The following SORBS2 variants were observed in gnomAD, a reference collection of about 807,000 sequenced individuals.
SORBS2 encodes sorbin and SH3 domain containing 2.
A neutral mutation model predicts 97.7 loss-of-function variants in SORBS2; 46 were observed. That is an observed-to-expected ratio of 0.47 (90% confidence interval 0.37 to 0.60). The LOEUF (loss-of-function observed/expected upper bound fraction) is 0.60, where lower values mean the gene tolerates loss of function less well. Ranked by LOEUF, SORBS2 falls within the 20% of genes least tolerant of loss-of-function variation. The probability of loss-of-function intolerance (pLI) is 0.00; values close to 1 mark genes in which losing one functional copy is unlikely to be tolerated. For synonymous variants in SORBS2, 476 were observed against 473.4 expected, an observed-to-expected ratio of 1.01 and a Z score of -0.07; for missense variants, 1,316 against 1,282.3, an observed-to-expected ratio of 1.03 and a Z score of -0.40.
chr4:185,850,412 A>G (rs1330747997), intron 1 of SORBS2, among the ~76,000 whole-genome samples: 9 of 152,176 alleles, frequency 5.9e-5, no homozygotes. Flanking sequence ...GAAAGAGGAC[A>G]GTGTCTTCAT....
chr4:185,945,682 T>G (rs1004158513), intron 1 of SORBS2, among the ~76,000 whole-genome samples: 2 of 152,200 alleles, frequency 1.3e-5, no homozygotes, highest in African/African-American at 2.4e-5. Flanking sequence ...CAGGCAAACA[T>G]AAATTAAAAA....
chr4:185,840,053 C>T (rs551552586), intron 1 of SORBS2, among the ~76,000 whole-genome samples: 16 of 152,308 alleles, frequency 1.1e-4, no homozygotes, highest in South Asian at 4.1e-4. Context: ...CACAGCTCCA[C>T]GCAGAGTTTC....
In SORBS2 at chr4:185,623,164, C is replaced by T; in HGVS notation, c.1965G>A (p.Leu655=). 6.2e-7 allele frequency: 1 copy of T among 1,614,140 alleles called. No homozygotes were observed. The highest frequency in any genetic ancestry group is 8.5e-7 in the Non-Finnish European group (1 of 1,180,028). Residue 655 remains leucine, a synonymous_variant, in exon 7 of 15, where the codon TTG becomes TTA. Transcript: ENST00000418609. The surrounding 1 kb of genome is among the most constrained non-coding windows in gnomAD (Gnocchi z 6.4). ...GGCGGTGCAGGATGCTGTTGTCCGG[C>T]AAGCTCCCCCTTTTCTTTTCAGCTT...
At chr4:185,872,550 T>C (rs1260604432) in intron 1 of SORBS2, among the ~76,000 whole-genome samples, 2 of 152,316 alleles carry the variant, frequency 1.3e-5, no homozygotes, top group Admixed American at 6.5e-5. Context: ...ACAATCACTT[T>C]CAAGGAAAAT....
chr4:185,680,825 G>A (rs2097857485), intron 2 of SORBS2, among the ~76,000 whole-genome samples: 1 of 152,262 alleles, frequency 6.6e-6, no homozygotes, highest in Non-Finnish European at 1.5e-5. Flanking sequence ...GTAGGGGGCA[G>A]GCTCTGTTTC....
intron 2 of SORBS2, among the ~76,000 whole-genome samples, chr4:185,689,785 C>T (rs1486158333): frequency 2.6e-5 from 4 of 152,224 alleles, no homozygotes. Flanking sequence ...ATCCTTTCTA[C>T]TCTGCCATGG....
At chr4:185,840,702 A>G (rs917552764) in intron 1 of SORBS2, among the ~76,000 whole-genome samples, 1 of 152,230 alleles carries the variant, frequency 6.6e-6, no homozygotes, top group Non-Finnish European at 1.5e-5. Flanking sequence ...AGGGGGATCT[A>G]ATGCACATTG....
intron 2 of SORBS2, among the ~76,000 whole-genome samples, chr4:185,697,652 C>T (rs765990481): frequency 3.9e-5 from 6 of 152,166 alleles, no homozygotes; most frequent in Non-Finnish European, 8.8e-5. Flanking sequence ...TAGCCGAAAG[C>T]GATGGCTGAA....
intron 2 of SORBS2, among the ~76,000 whole-genome samples, chr4:185,737,324 G>T (rs2098693882): frequency 6.6e-6 from 1 of 152,160 alleles, no homozygotes. Context: ...GGGACAGGGG[G>T]TGTGGAGAGC....
intron 1 of SORBS2, among the ~76,000 whole-genome samples, chr4:185,884,780 C>A (rs548462042): frequency 2.6e-5 from 4 of 152,252 alleles, no homozygotes; most frequent in African/African-American, 9.6e-5. Context: ...GGTGTATTCC[C>A]GGAATGCTCA....
intron 1 of SORBS2, among the ~76,000 whole-genome samples, chr4:185,940,859 A>G (rs1005549191): frequency 6.6e-6 from 1 of 152,092 alleles, no homozygotes; most frequent in Non-Finnish European, 1.5e-5. Context: ...TGCACCCTTT[A>G]TTCTCTAACC....
At chr4:185,615,226 C>T (rs936325063) in intron 9 of SORBS2, 67 bp from the exon 22 acceptor site, 16 of 920,104 alleles carry the variant, frequency 1.7e-5, no homozygotes, top group African/African-American at 8.1e-5. Context: ...TCAACACCCT[C>T]GCTAGATCTG....
intron 13 of SORBS2, among the ~76,000 whole-genome samples, chr4:185,592,587 G>C (rs1281737544): frequency 6.6e-6 from 1 of 152,154 alleles, no homozygotes; most frequent in Non-Finnish European, 1.5e-5. Context: ...ACAGGGTCTT[G>C]CTCTGTTGCC....
intron 1 of SORBS2, among the ~76,000 whole-genome samples, chr4:185,947,206 T>G (rs149556204): frequency 6.6e-6 from 1 of 152,332 alleles, no homozygotes; most frequent in Non-Finnish European, 1.5e-5. Context: ...TGGTCTTCAG[T>G]GTCCACAGCA....
At chr4:185,815,059 T>C (rs1402627586) in intron 1 of SORBS2, among the ~76,000 whole-genome samples, 1 of 152,272 alleles carries the variant, frequency 6.6e-6, no homozygotes, top group Non-Finnish European at 1.5e-5. Context: ...GGCCAGCAGC[T>C]TTATACATGG....
intron 1 of SORBS2, among the ~76,000 whole-genome samples, chr4:185,801,369 G>T (rs1209393335): frequency 2.0e-5 from 3 of 152,122 alleles, no homozygotes; most frequent in Non-Finnish European, 4.4e-5. Context: ...GGTAGTTCTG[G>T]TTGTAATTTT....
intron 1 of SORBS2, among the ~76,000 whole-genome samples, chr4:185,900,394 C>G (rs573742404): frequency 6.6e-6 from 1 of 152,214 alleles, no homozygotes; most frequent in African/African-American, 2.4e-5. Flanking sequence ...GTTCTCTTAT[C>G]AAAGAGAACT....
At chr4:185,717,871 C>A (rs192828007) in intron 2 of SORBS2, among the ~76,000 whole-genome samples, 1 of 152,198 alleles carries the variant, frequency 6.6e-6, no homozygotes, top group Admixed American at 6.5e-5. Flanking sequence ...CTCTCTGTGC[C>A]TTGGTTTCTA....
In SORBS2 at chr4:185,623,459, AGGTGGCGGTGGTGGTGGT is replaced by A. The variant is rs755746871; in HGVS notation, c.1652_1669del (p.His551_His556del). On this transcript the variant is annotated inframe_deletion, in exon 7 of 15. Transcript: ENST00000418609. The surrounding 1 kb of genome is among the most constrained non-coding windows in gnomAD (Gnocchi z 6.4). ...GCACCTGCCTTTGCAGGAGCTGATG[AGGTGGCGGTGGTGGTGGT>A]GGTGGTGATGGTGGTGGTGGTGGCT... is the stretch of plus-strand genomic sequence containing the variant. The A allele has an allele frequency of 1.9e-6, 3 of 1,612,286 alleles. 1 individual carries two copies. In the South Asian group the frequency reaches 3.3e-5, roughly 18 times the overall value.
Sources: allele counts gnomAD v4.1 joint callset (sites outside exome capture counted in the v4.1 genomes callset), GRCh38; gene constraint gnomAD v4.1.1; non-coding constraint Gnocchi (gnomAD v3.1); transcripts MANE v1.5; gene names NCBI Gene and HGNC (gene_info 2026-07-23, HGNC 2026-07-21).